The following PARD3 variants were observed in gnomAD, a reference collection of about 807,000 sequenced individuals.
PARD3 encodes par-3 family cell polarity regulator.
PARD3 carries 75 observed loss-of-function variants against 155.4 expected under a neutral mutation model. That is an observed-to-expected ratio of 0.48 (90% CI 0.40 to 0.58). The LOEUF is 0.58. Among genes scored for constraint, PARD3 ranks in the 20% least tolerant of loss-of-function variants. The probability of loss-of-function intolerance (pLI) is 0.00; values close to 1 mark genes in which losing one functional copy is unlikely to be tolerated. For missense variants in PARD3, 1,642 were observed against 1,721.7 expected, an observed-to-expected ratio of 0.95 and a Z score of 0.82; for synonymous variants, 576 against 610.5, an observed-to-expected ratio of 0.94 and a Z score of 0.83.
At chr10:34,779,872 T>C (rs920100351) in intron 1 of PARD3, among the ~76,000 whole-genome samples, 1 of 152,140 alleles carries the variant, frequency 6.6e-6, no homozygotes, top group Non-Finnish European at 1.5e-5. Context: ...CATTTCAAAG[T>C]CCTATACACA....
chr10:34,326,273 C>T (rs960666163), intron 19 of PARD3, among the ~76,000 whole-genome samples: 11 of 152,112 alleles, frequency 7.2e-5, no homozygotes, highest in Non-Finnish European at 1.0e-4. Context: ...CAACCATACA[C>T]CCATACTATG....
intron 22 of PARD3, among the ~76,000 whole-genome samples, chr10:34,261,839 AAC>A (rs1298878643): frequency 6.8e-6 from 1 of 147,356 alleles, no homozygotes; most frequent in Non-Finnish European, 1.5e-5. Flanking sequence ...CAAACAAACA[AAC>A]AAACACACAC....
chr10:34,349,751 AAGAC>A (rs1270349721), intron 14 of PARD3, among the ~76,000 whole-genome samples: 1 of 152,144 alleles, frequency 6.6e-6, no homozygotes, highest in Admixed American at 6.5e-5. Flanking sequence ...AATTTATCAA[AAGAC>A]AGACAACATA....
At chr10:34,634,515 T>C (rs1048388480) in intron 2 of PARD3, among the ~76,000 whole-genome samples, 1 of 152,224 alleles carries the variant, frequency 6.6e-6, no homozygotes, top group African/African-American at 2.4e-5. Context: ...ACTACTGCTG[T>C]TATAACTAAA....
At chr10:34,664,702 T>C (rs2093407605) in intron 2 of PARD3, among the ~76,000 whole-genome samples, 1 of 152,158 alleles carries the variant, frequency 6.6e-6, no homozygotes, top group African/African-American at 2.4e-5. Context: ...GCCAGGCTGG[T>C]CTCGAACTCC....
intron 1 of PARD3, among the ~76,000 whole-genome samples, chr10:34,752,539 A>G (rs1836184184): frequency 7.2e-6 from 1 of 139,278 alleles, no homozygotes; most frequent in South Asian, 2.1e-4. Context: ...TGTGGGGAGA[A>G]AAAAAAAAAA....
chr10:34,242,731 C>T lies in PARD3; in HGVS notation c.3419+26926G>A, dbSNP rs374420346. Among the ~76,000 whole-genome samples the T allele has an allele frequency of 2.2e-3, 337 of 152,194 alleles. 1 individual carries two copies. Among genetic ancestry groups the T allele is most frequent in the South Asian group, 3.7e-3 (18 of 4,816 alleles). On this transcript the variant is annotated intron_variant, in intron 22 of 24. Coordinates refer to ENST00000374788, the MANE Select transcript of PARD3 (RefSeq NM_001184785.2). ...GGCAGATCATTTGAGGTCAGGAGTT[C>T]GAGACCAGCCTGACCAACATGGTGA...
chr10:34,492,551 T>A (rs2079989287), intron 3 of PARD3, among the ~76,000 whole-genome samples: 1 of 152,174 alleles, frequency 6.6e-6, no homozygotes, highest in Non-Finnish European at 1.5e-5. Context: ...TTTTAAAACT[T>A]TTTCTTTATA....
chr10:34,165,191 C>T (rs1949470880), intron 22 of PARD3, among the ~76,000 whole-genome samples: 1 of 152,152 alleles, frequency 6.6e-6, no homozygotes, highest in African/African-American at 2.4e-5. Flanking sequence ...CCCTTTGCAC[C>T]TCTGAGAATA....
chr10:34,669,641 A>T (rs2133233353), intron 2 of PARD3, among the ~76,000 whole-genome samples: 1 of 152,284 alleles, frequency 6.6e-6, no homozygotes, highest in Middle Eastern at 3.4e-3. Flanking sequence ...CTACTAACAA[A>T]ATTATGCACC....
At chr10:34,778,863 T>C (rs905886340) in intron 1 of PARD3, among the ~76,000 whole-genome samples, 1 of 152,200 alleles carries the variant, frequency 6.6e-6, no homozygotes, top group African/African-American at 2.4e-5. Context: ...TAACATGAGG[T>C]AGACCAGTAT....
chr10:34,559,254 A>C (rs2085270637), intron 2 of PARD3, among the ~76,000 whole-genome samples: 1 of 152,148 alleles, frequency 6.6e-6, no homozygotes, highest in African/African-American at 2.4e-5. Flanking sequence ...TCATTGATCC[A>C]AGATTCAAAG....
At chr10:34,437,176 A>T (rs1774743) in intron 5 of PARD3, among the ~76,000 whole-genome samples, 3 of 151,998 alleles carry the variant, frequency 2.0e-5, no homozygotes, top group South Asian at 2.1e-4. Flanking sequence ...CTCATACAGA[A>T]GTCTAATGAA....
At chr10:34,544,287 T>C (rs2083871935) in intron 2 of PARD3, among the ~76,000 whole-genome samples, 1 of 152,188 alleles carries the variant, frequency 6.6e-6, no homozygotes, top group South Asian at 2.1e-4. Context: ...GCCAATATTA[T>C]AGGTATATAC....
chr10:34,275,256 G>T (rs969485040), intron 21 of PARD3, among the ~76,000 whole-genome samples: 3 of 152,262 alleles, frequency 2.0e-5, no homozygotes, highest in African/African-American at 7.2e-5. Context: ...TGTCCCCAAA[G>T]TTCTAAAACC....
intron 2 of PARD3, among the ~76,000 whole-genome samples, chr10:34,624,672 G>A (rs1393271818): frequency 6.6e-6 from 1 of 152,226 alleles, no homozygotes; most frequent in African/African-American, 2.4e-5. Context: ...GGATGATGGT[G>A]GAGAGGACAG....
intron 22 of PARD3, among the ~76,000 whole-genome samples, chr10:34,141,201 T>C (rs1243069637): frequency 6.6e-6 from 1 of 152,190 alleles, no homozygotes; most frequent in East Asian, 1.9e-4. Flanking sequence ...TGTGTCTATG[T>C]ATACATGTGA....
intron 5 of PARD3, among the ~76,000 whole-genome samples, chr10:34,404,384 T>C (rs1157731699): frequency 6.6e-6 from 1 of 152,200 alleles, no homozygotes; most frequent in Non-Finnish European, 1.5e-5. Flanking sequence ...TATACAGTAC[T>C]GGCCGGGTGA....
rs555861188 is a variant in PARD3 at position 34,114,622 on chromosome 10, G to T, written c.3669-3060C>A. On this transcript the variant is annotated intron_variant, in intron 24 of 24. Coordinates refer to ENST00000374788, the MANE Select transcript of PARD3 (RefSeq NM_001184785.2). ...AGCCTCCCATAGTCCTGGGATTACA[G>T]GCATGAGCCACTCTGCTCGGCCAAA... Among the ~76,000 whole-genome samples the T allele has an allele frequency of 2.6e-5, 4 of 152,298 alleles. No homozygotes were observed. The East Asian group carries it at 7.7e-4, about 29-fold the overall frequency.
Sources: gnomAD v4.1 joint callset for allele counts (sites outside exome capture counted in the v4.1 genomes callset) on GRCh38, gnomAD v4.1.1 for gene constraint, MANE v1.5 for transcripts, NCBI Gene and HGNC (gene_info 2026-07-23, HGNC 2026-07-21) for gene names.